The following LIN54 variants were observed in gnomAD, a reference collection of about 807,000 sequenced individuals.
The protein encoded by LIN54 is lin-54 DREAM MuvB core complex component, also known as protein lin-54 homolog.
Under a neutral mutation model 78.7 loss-of-function variants are expected in LIN54, and 9 were observed. The observed-to-expected ratio is 0.11, with a 90% confidence interval of 0.07 to 0.20. LIN54 has a LOEUF of 0.20. LIN54 is among the 10% of genes least tolerant of loss of function. The pLI is 1.00. For synonymous variants in LIN54, 269 were observed against 318.4 expected (o/e 0.84, Z 1.65); for missense variants, 573 against 889.9 (o/e 0.64, Z 4.53).
intron 4 of LIN54, among the ~76,000 whole-genome samples, chr4:82,965,553 A>C (rs1236320142): frequency 6.6e-6 from 1 of 152,186 alleles, no homozygotes; most frequent in African/African-American, 2.4e-5. Context: ...CCTCAGGGAG[A>C]CCCAGGTATC....
intron 1 of LIN54, among the ~76,000 whole-genome samples, chr4:82,992,397 A>G (rs1727800239): frequency 6.6e-6 from 1 of 152,146 alleles, no homozygotes; most frequent in African/African-American, 2.4e-5. Context: ...CCATTTTTGG[A>G]CCGGGCATGG....
Position 83,001,963 on chromosome 4 carries a change from G to A in LIN54, c.-33+8521C>T, listed in dbSNP as rs367777402. Among the ~76,000 whole-genome samples the A allele has an allele frequency of 2.4e-3, 13 of 5,342 alleles. 3 individuals carry two copies. The highest frequency in any genetic ancestry group is 5.7e-3 in the African/African-American group (13 of 2,280). The allele number at this position is 5,342 out of a possible 152,430, so 3.5% of individuals were successfully genotyped here. A position where few individuals can be genotyped will look rare whatever the true frequency, so the allele number is the denominator to read the frequency against. ...GGAAGGAAGGAAGGAAGGAAGGAAGGAAGGAAGGAAGGAAGGGAGGGATCT... is the reference window on the plus strand; with the variant it reads ...GGAAGGAAGGAAGGAAGGAAGGAAGAAAGGAAGGAAGGAAGGGAGGGATCT... On this transcript the variant is annotated intron_variant, in intron 1 of 12. Coordinates refer to ENST00000340417, the MANE Select transcript of LIN54 (RefSeq NM_194282.4).
chr4:82,958,249 A>G (rs563499224), intron 4 of LIN54, among the ~76,000 whole-genome samples: 28 of 152,368 alleles, frequency 1.8e-4, no homozygotes, highest in African/African-American at 6.0e-4. Flanking sequence ...GTATATATAC[A>G]GATGATTATT....
intron 4 of LIN54, among the ~76,000 whole-genome samples, chr4:82,948,929 G>T (rs1723623137): frequency 6.6e-6 from 1 of 152,060 alleles, no homozygotes; most frequent in African/African-American, 2.4e-5. Context: ...TCTGTCAACA[G>T]GTTGTTTTCA....
At chr4:82,977,792 C>G (rs767115932) in intron 3 of LIN54, among the ~76,000 whole-genome samples, 7 of 152,106 alleles carry the variant, frequency 4.6e-5, no homozygotes, top group African/African-American at 7.2e-5. Flanking sequence ...TTCATATAAG[C>G]CTTTAGCACA....
At position 82,939,621 on chromosome 4, in the gene LIN54, A is replaced by G; in HGVS notation, c.1358T>C (p.Leu453Pro). The G allele has an allele frequency of 6.2e-7, 1 of 1,614,196 alleles. No individual in the cohort carries two copies. The highest frequency in any genetic ancestry group is 8.5e-7 in the Non-Finnish European group (1 of 1,180,026). The change falls in exon 7 of 13, where the codon CTG (leucine) becomes CCG (proline). Residue 453 changes from leucine (L) to proline (P), a missense_variant. This residue lies in a region of LIN54 where 101 missense variants were observed against 194.2 expected (regional missense o/e 0.52). Transcript: ENST00000340417. Reference protein sequence around the residue: ...LPQIQPNLTNLPPGTVLAPAP... With the variant: ...LPQIQPNLTNPPPGTVLAPAP... ...TGGTGCCAGGACAGTGCCTGGTGGC[A>G]GGTTAGTGAGGTTGGGCTGGATCTG...
intron 1 of LIN54, among the ~76,000 whole-genome samples, chr4:82,989,642 C>T (rs1446328053): frequency 6.6e-6 from 1 of 152,180 alleles, no homozygotes; most frequent in Non-Finnish European, 1.5e-5. Context: ...CATAAGGACA[C>T]ACAGACATCA....
At chr4:82,959,726 A>G (rs144052403) in intron 4 of LIN54, among the ~76,000 whole-genome samples, 3 of 152,320 alleles carry the variant, frequency 2.0e-5, no homozygotes, top group Admixed American at 2.0e-4. Flanking sequence ...CAGATATTAC[A>G]TGTAGCTAGA....
chr4:82,970,503 T>A, intron 3 of LIN54, 34 bp from the exon 4 acceptor site: 1 of 1,580,672 alleles, frequency 6.3e-7, no homozygotes, highest in Non-Finnish European at 8.6e-7. Flanking sequence ...AGTTTGACTT[T>A]TTTCAATAAT....
At chr4:83,011,078 G>A (rs574780041), upstream of LIN54, among the ~76,000 whole-genome samples, 15 of 152,352 alleles carry the variant, frequency 9.8e-5, no homozygotes, top group East Asian at 2.1e-3. Flanking sequence ...GCCATGCGGA[G>A]GGTGGCATAA....
At position 83,010,809 on chromosome 4, in the gene LIN54, G is replaced by GCCGCCA; in HGVS notation, c.-364_-359dup. 1 of 1,233,614 alleles carries GCCGCCA rather than the reference G, an allele frequency of 8.1e-7. No individual in the cohort carries two copies. Among genetic ancestry groups the GCCGCCA allele is most frequent in the Non-Finnish European group, 1.0e-6 (1 of 989,920 alleles). 76.4% of individuals were successfully genotyped at this position (1,233,614 alleles called of 1,614,324 possible). ...AGCCGGAGCCCGGGCCGCCGCCGCC[G>GCCGCCA]CCGCCACCACCAGTAACCTCCCCCT... is the stretch of plus-strand genomic sequence containing the variant. On this transcript the variant is annotated 5_prime_UTR_variant, in exon 1 of 13. Coordinates refer to ENST00000340417, the MANE Select transcript of LIN54 (RefSeq NM_194282.4).
intron 11 of LIN54, among the ~76,000 whole-genome samples, chr4:82,934,320 C>T (rs911258196): frequency 1.3e-5 from 2 of 152,176 alleles, no homozygotes; most frequent in Non-Finnish European, 2.9e-5. Context: ...GCAGGAGAAT[C>T]GCTTGAACCC....
intron 1 of LIN54, among the ~76,000 whole-genome samples, chr4:82,995,950 AGCC>A (rs1184830759): frequency 6.6e-6 from 1 of 151,740 alleles, no homozygotes; most frequent in Non-Finnish European, 1.5e-5. Context: ...GTTCAAGACC[AGCC>A]TGAGCAACAT....
At chr4:82,992,813 G>A (rs1279170066) in intron 1 of LIN54, among the ~76,000 whole-genome samples, 1 of 152,032 alleles carries the variant, frequency 6.6e-6, no homozygotes, top group Non-Finnish European at 1.5e-5. Flanking sequence ...TGGATCACGA[G>A]GTCAGGAGAT....
chr4:82,932,286 C>T (rs1215664612), intron 11 of LIN54, among the ~76,000 whole-genome samples: 3 of 150,322 alleles, frequency 2.0e-5, no homozygotes, highest in Admixed American at 6.6e-5. Context: ...TTAGTAGAGA[C>T]GGGGTTTCAC....
intron 5 of LIN54, among the ~76,000 whole-genome samples, chr4:82,944,483 G>GT (rs900206109): frequency 5.3e-5 from 8 of 152,004 alleles, no homozygotes; most frequent in East Asian, 1.9e-4. Flanking sequence ...CAACAATATG[G>GT]TTTTTTCATT....
At chr4:82,944,041 G>A (rs1362161189) in intron 5 of LIN54, among the ~76,000 whole-genome samples, 4 of 151,004 alleles carry the variant, frequency 2.6e-5, no homozygotes, top group Non-Finnish European at 4.4e-5. Flanking sequence ...ACTAATTATT[G>A]TATTTTTTCG....
chr4:82,993,671 G>A (rs747744491), intron 1 of LIN54, among the ~76,000 whole-genome samples: 24 of 151,946 alleles, frequency 1.6e-4, no homozygotes, highest in Admixed American at 3.9e-4. Flanking sequence ...AGGCTGGAGT[G>A]CAGTGGTGTG....
intron 1 of LIN54, among the ~76,000 whole-genome samples, chr4:83,006,448 C>CAAAAAAA (rs1186424720): frequency 1.7e-5 from 1 of 60,056 alleles, no homozygotes; most frequent in African/African-American, 6.0e-5. Flanking sequence ...GACTCCGTCT[C>CAAAAAAA]AAAAAAAAAA....
Sources: allele counts gnomAD v4.1 joint callset (sites outside exome capture counted in the v4.1 genomes callset), GRCh38; gene constraint gnomAD v4.1.1; regional missense constraint gnomAD v4.1.1; transcripts MANE v1.5; gene names NCBI Gene and HGNC (gene_info 2026-07-23, HGNC 2026-07-21).